The following SMURF2 variants were observed in gnomAD, a reference collection of about 807,000 sequenced individuals.
The protein encoded by SMURF2 is SMAD specific E3 ubiquitin protein ligase 2.
Under a neutral mutation model 109.6 loss-of-function variants are expected in SMURF2, and 48 were observed. That is an observed-to-expected ratio of 0.44 (90% CI 0.35 to 0.56). SMURF2 has a LOEUF of 0.56. SMURF2 is among the 20% of genes least tolerant of loss of function. SMURF2 has a pLI of 0.01. For synonymous variants in SMURF2, 288 were observed against 317.1 expected (o/e 0.91, Z 0.97); for missense variants, 575 against 909.0 (o/e 0.63, Z 4.72).
intron 2 of SMURF2, among the ~76,000 whole-genome samples, chr17:64,603,729 G>A (rs1555688799): frequency 6.6e-6 from 1 of 152,090 alleles, no homozygotes; most frequent in African/African-American, 2.4e-5. Flanking sequence ...CTGGGGGAAA[G>A]GGGAAGTGAC....
rs1243107729 is a variant in SMURF2 at position 64,662,040 on chromosome 17, C to G, written c.-160G>C. 9.0e-7 allele frequency: 1 copy of G among 1,114,454 alleles called. No individual in the cohort carries two copies. Among genetic ancestry groups the G allele is most frequent in the Non-Finnish European group, 1.1e-6 (1 of 913,112 alleles). The allele number at this position is 1,114,454 out of a possible 1,614,324, so 69.0% of individuals were successfully genotyped here. On this transcript the variant is annotated 5_prime_UTR_variant, in exon 1 of 19. Coordinates refer to ENST00000262435, the MANE Select transcript of SMURF2 (RefSeq NM_022739.4). ...TGTGCCGAGAGTCGTCGCCATGAGC[C>G]GCGGAGGGAGCGGGACGCCGAGCTC...
At chr17:64,640,787 C>T (rs537476851) in intron 1 of SMURF2, among the ~76,000 whole-genome samples, 10 of 151,842 alleles carry the variant, frequency 6.6e-5, no homozygotes, top group South Asian at 2.1e-4. Context: ...GGCATGGTGG[C>T]GGGTGCCTGT....
intron 1 of SMURF2, among the ~76,000 whole-genome samples, chr17:64,657,502 G>A (rs1419869735): frequency 6.6e-6 from 1 of 151,436 alleles, no homozygotes; most frequent in Non-Finnish European, 1.5e-5. Flanking sequence ...GACCAGCCTG[G>A]GCAACCTGGA....
intron 1 of SMURF2, among the ~76,000 whole-genome samples, chr17:64,641,832 A>G (rs999612067): frequency 5.3e-5 from 8 of 152,056 alleles, no homozygotes; most frequent in Non-Finnish European, 8.8e-5. Context: ...TGAGATGATA[A>G]AACTATTAGT....
rs150557469 is a variant in SMURF2, at chr17:64,545,451, C to T, written c.*397G>A. On this transcript the variant is annotated 3_prime_UTR_variant, in exon 19 of 19. Coordinates refer to ENST00000262435, the MANE Select transcript of SMURF2 (RefSeq NM_022739.4). Reference sequence around the variant, plus strand: ...AATCAAAATGAAATGTGACTTGTACCGACTGCTGAAGTTGTCTTGATGTTT... The same window carrying T: ...AATCAAAATGAAATGTGACTTGTACTGACTGCTGAAGTTGTCTTGATGTTT... 94 of 155,598 alleles carry T rather than the reference C, an allele frequency of 6.0e-4. No homozygotes were observed. The highest frequency in any genetic ancestry group is 2.2e-3 in the African/African-American group (90 of 41,476). 9.6% of individuals were successfully genotyped at this position (155,598 alleles called of 1,614,324 possible).
chr17:64,660,064 A>G (rs1288196618), intron 1 of SMURF2, among the ~76,000 whole-genome samples: 1 of 152,210 alleles, frequency 6.6e-6, no homozygotes, highest in Non-Finnish European at 1.5e-5. Flanking sequence ...CCTCTTAATA[A>G]ACTTTAATTA....
intron 9 of SMURF2, among the ~76,000 whole-genome samples, chr17:64,573,271 GGA>G: frequency 1.0e-5 from 1 of 96,890 alleles, no homozygotes; most frequent in African/African-American, 4.8e-5. Flanking sequence ...AGGAGGAGGA[GGA>G]GGGGGAGGAG....
In SMURF2 at chr17:64,562,719, AT is replaced by A. The variant is rs1969239836; in HGVS notation, c.1212+51del. 1.9e-5 allele frequency: 30 copies of A among 1,559,178 alleles called. 1 individual carries two copies. The South Asian group carries it at 2.7e-4, about 14-fold the overall frequency. ...AAAATAAGGTTTGTATTAGCAAGCA[AT>A]GGGTTTCTGGAAAAAAAAATAGTAA... On this transcript the variant is annotated intron_variant, in intron 11 of 18. Coordinates refer to ENST00000262435, the MANE Select transcript of SMURF2 (RefSeq NM_022739.4).
At chr17:64,561,413 G>A in intron 12 of SMURF2, 87 bp downstream of exon 12, 1 of 822,384 alleles carries the variant, frequency 1.2e-6, no homozygotes, top group Non-Finnish European at 2.0e-6. Flanking sequence ...AAAAATAAAT[G>A]TCGATGAGAA....
At chr17:64,617,558 G>A (rs1371594147) in intron 1 of SMURF2, among the ~76,000 whole-genome samples, 1 of 152,050 alleles carries the variant, frequency 6.6e-6, no homozygotes, top group Admixed American at 6.6e-5. Context: ...ACGACTCACT[G>A]CAGACTCCAG....
intron 1 of SMURF2, among the ~76,000 whole-genome samples, chr17:64,633,979 A>C (rs1555691851): frequency 6.6e-6 from 1 of 152,176 alleles, no homozygotes; most frequent in Non-Finnish European, 1.5e-5. Context: ...CAACATGGCG[A>C]AACTGTCTCT....
chr17:64,569,833 C>T (rs937210578), intron 10 of SMURF2, among the ~76,000 whole-genome samples: 40 of 152,318 alleles, frequency 2.6e-4, no homozygotes, highest in South Asian at 1.2e-3. Context: ...ATTCCACAAC[C>T]AGGCAAGCGC....
intron 1 of SMURF2, among the ~76,000 whole-genome samples, chr17:64,639,131 G>A (rs1447232394): frequency 6.6e-6 from 1 of 152,160 alleles, no homozygotes; most frequent in Non-Finnish European, 1.5e-5. Flanking sequence ...AGTTATATAT[G>A]TGTGTTCAGT....
chr17:64,646,752 A>G (rs1336710284), intron 1 of SMURF2, among the ~76,000 whole-genome samples: 1 of 152,190 alleles, frequency 6.6e-6, no homozygotes, highest in Non-Finnish European at 1.5e-5. Flanking sequence ...AACTACAGAG[A>G]GAAATATGCC....
chr17:64,558,575 G>A (rs1969161034), intron 12 of SMURF2, among the ~76,000 whole-genome samples: 1 of 152,154 alleles, frequency 6.6e-6, no homozygotes, highest in African/African-American at 2.4e-5. Flanking sequence ...TATAAACCCT[G>A]AAACATACCA....
intron 1 of SMURF2, among the ~76,000 whole-genome samples, chr17:64,627,943 A>G (rs557146037): frequency 1.5e-3 from 235 of 152,278 alleles, no homozygotes; most frequent in African/African-American, 5.4e-3. Context: ...CCTGCTTGGC[A>G]ATAAAGTTTT....
intron 2 of SMURF2, among the ~76,000 whole-genome samples, chr17:64,603,496 T>G (rs1969925796): frequency 6.6e-6 from 1 of 150,754 alleles, no homozygotes; most frequent in South Asian, 2.1e-4. Context: ...GCAGGAGAAT[T>G]GCTTGAACAC....
At chr17:64,565,721 A>G (rs1185226675) in intron 10 of SMURF2, among the ~76,000 whole-genome samples, 5 of 152,038 alleles carry the variant, frequency 3.3e-5, no homozygotes, top group Non-Finnish European at 5.9e-5. Context: ...CATTTTTCTC[A>G]CTGATGAGAA....
chr17:64,544,165 T>C lies in SMURF2; in HGVS notation c.*1683A>G, dbSNP rs1198680694. On this transcript the variant is annotated 3_prime_UTR_variant, in exon 19 of 19. Transcript: ENST00000262435. ...TGAAAGCTTACTTGAAATTCCAATA[T>C]ACATAAGAAAAATGGGCTGTTCTGG... The C allele has an allele frequency of 2.6e-5, 4 of 152,272 alleles. No homozygotes were observed. The highest frequency in any genetic ancestry group is 2.1e-4 in the South Asian group (1 of 4,824). 9.4% of individuals were successfully genotyped at this position (152,272 alleles called of 1,614,324 possible). A position where few individuals can be genotyped will look rare whatever the true frequency, so the allele number is the denominator to read the frequency against.
Sources: gnomAD v4.1 joint callset for allele counts (sites outside exome capture counted in the v4.1 genomes callset) on GRCh38, gnomAD v4.1.1 for gene constraint, MANE v1.5 for transcripts, NCBI Gene and HGNC (gene_info 2026-07-23, HGNC 2026-07-21) for gene names.